Variants in PICALM observed in about 807,000 individuals in gnomAD.
PICALM encodes the protein phosphatidylinositol-binding clathrin assembly protein.
A neutral mutation model predicts 80.5 loss-of-function variants in PICALM; 40 were observed. That is an observed-to-expected ratio of 0.50 (90% CI 0.39 to 0.65). PICALM has a LOEUF of 0.65. PICALM is among the 30% of genes least tolerant of loss of function. PICALM has a pLI of 0.00. For missense variants in PICALM, 676 were observed against 778.9 expected (o/e 0.87, Z 1.57); for synonymous variants, 288 against 260.3 (o/e 1.11, Z -1.02).
chr11:85,986,382 TTTTTTTTTTTTTTTTTTTTG>T (rs2094572217), intron 13 of PICALM, among the ~76,000 whole-genome samples: 1 of 114,318 alleles, frequency 8.7e-6, no homozygotes, highest in African/African-American at 3.5e-5. Context: ...TTTTTTTTTT[TTTTTTTTTTTTTTTTTTTTG>T]AGACGGAGTC....
intron 1 of PICALM, among the ~76,000 whole-genome samples, chr11:86,032,527 G>A (rs946811909): frequency 1.3e-5 from 2 of 152,154 alleles, no homozygotes; most frequent in Non-Finnish European, 2.9e-5. Flanking sequence ...TCAGGAGGCT[G>A]AGGCAGGACA....
chr11:85,990,008 C>CAAAAAAAAAAAAAAAAAAAAAAAAAAA (rs5793177), intron 13 of PICALM, among the ~76,000 whole-genome samples: 1 of 89,334 alleles, frequency 1.1e-5, no homozygotes, highest in Non-Finnish European at 2.1e-5. Flanking sequence ...AACCAAACAC[C>CAAAAAAAAAAAAAAAAAAAAAAAAAAA]AAAAAAAAAA....
intron 5 of PICALM, among the ~76,000 whole-genome samples, chr11:86,013,949 C>T (rs757859152): frequency 6.6e-6 from 1 of 152,186 alleles, no homozygotes; most frequent in Non-Finnish European, 1.5e-5. Flanking sequence ...GTTGGAATTT[C>T]ATGTAACTTC....
intron 17 of PICALM, among the ~76,000 whole-genome samples, chr11:85,977,156 G>A (rs1442573406): frequency 6.6e-6 from 1 of 152,090 alleles, no homozygotes; most frequent in Non-Finnish European, 1.5e-5. Context: ...CAAAAAGTTA[G>A]TTTCTAAGGA....
At chr11:86,057,364 C>T (rs1355747597) in intron 1 of PICALM, among the ~76,000 whole-genome samples, 1 of 152,076 alleles carries the variant, frequency 6.6e-6, no homozygotes, top group African/African-American at 2.4e-5. Context: ...CATGGTGAAA[C>T]CCCGTCTCTA....
intron 1 of PICALM, among the ~76,000 whole-genome samples, chr11:86,047,262 C>G (rs558720248): frequency 2.0e-5 from 3 of 152,208 alleles, no homozygotes; most frequent in Non-Finnish European, 4.4e-5. Flanking sequence ...GTGTTTAGTT[C>G]TCACAAATCT....
At chr11:86,029,676 T>G (rs538560654) in intron 2 of PICALM, among the ~76,000 whole-genome samples, 4 of 152,354 alleles carry the variant, frequency 2.6e-5, no homozygotes, top group African/African-American at 7.2e-5. Context: ...CTGGTTATAT[T>G]TGTGGCTTTT....
At chr11:85,965,831 T>G (rs1293750112) in intron 19 of PICALM, among the ~76,000 whole-genome samples, 2 of 146,520 alleles carry the variant, frequency 1.4e-5, no homozygotes, top group African/African-American at 2.5e-5. Flanking sequence ...TTTTTTTTTT[T>G]TTTTTTTGAG....
chr11:86,004,652 A>C (rs1354930457), intron 8 of PICALM, among the ~76,000 whole-genome samples: 2 of 152,180 alleles, frequency 1.3e-5, no homozygotes. Flanking sequence ...CAAATGCACC[A>C]GTAGCATTTA....
intron 18 of PICALM, 69 bp from the exon 19 acceptor site, chr11:85,974,881 T>C (rs2094224930): frequency 2.8e-6 from 3 of 1,060,994 alleles, no homozygotes; most frequent in Non-Finnish European, 3.0e-6. Context: ...TAAATAACAA[T>C]GACAACAGGG....
rs2095110742 is a variant in PICALM, at chr11:86,000,524, T to A, written c.1154+119A>T. 7 of 703,120 alleles carry A rather than the reference T, an allele frequency of 1.0e-5. No homozygotes were observed. The South Asian group carries it at 1.3e-4, about 13-fold the overall frequency. The allele number at this position is 703,120 out of a possible 1,614,324, so 43.6% of individuals were successfully genotyped here. On this transcript the variant is annotated intron_variant, in intron 11 of 19. Coordinates refer to ENST00000393346, the MANE Select transcript of PICALM (RefSeq NM_007166.4). ...ACCAATATCACCATTTATCGCCACC[T>A]CTTTGTGTGAATAGATTATAAAAGC... is the stretch of plus-strand genomic sequence containing the variant.
intron 5 of PICALM, among the ~76,000 whole-genome samples, chr11:86,014,057 T>C (rs747500501): frequency 6.6e-6 from 1 of 152,250 alleles, no homozygotes; most frequent in African/African-American, 2.4e-5. Context: ...TTTTAGTCTA[T>C]GAAATACCTG....
At chr11:85,973,394 T>C (rs2094171482) in intron 19 of PICALM, among the ~76,000 whole-genome samples, 1 of 152,236 alleles carries the variant, frequency 6.6e-6, no homozygotes. Flanking sequence ...AATAGGTAAG[T>C]AGAGGATATT....
intron 1 of PICALM, among the ~76,000 whole-genome samples, chr11:86,048,608 C>A (rs1227862233): frequency 6.7e-6 from 1 of 149,722 alleles, no homozygotes; most frequent in Non-Finnish European, 1.5e-5. Context: ...CTGAGGCGGG[C>A]AGATCACAAC....
intron 1 of PICALM, among the ~76,000 whole-genome samples, chr11:86,063,307 T>C (rs1031862472): frequency 6.6e-6 from 1 of 152,158 alleles, no homozygotes; most frequent in African/African-American, 2.4e-5. Flanking sequence ...TCACCTGCCA[T>C]AGTAACTTTA....
intron 11 of PICALM, among the ~76,000 whole-genome samples, chr11:85,997,384 T>C (rs1335607420): frequency 1.3e-5 from 2 of 152,250 alleles, no homozygotes; most frequent in Non-Finnish European, 2.9e-5. Context: ...GTGTCCAAAC[T>C]ATGTATCAAT....
chr11:85,971,593 A>C (rs1241512677), intron 19 of PICALM, among the ~76,000 whole-genome samples: 1 of 152,052 alleles, frequency 6.6e-6, no homozygotes, highest in African/African-American at 2.4e-5. Context: ...AAAATTAGCC[A>C]GGCATGGTGG....
Position 86,022,441 on chromosome 11 carries a change from C to T in PICALM, c.378G>A (p.Arg126=), listed in dbSNP as rs1447940604. The T allele has an allele frequency of 3.2e-6, 5 of 1,575,474 alleles. No homozygotes were observed. Among genetic ancestry groups the T allele is most frequent in the African/African-American group, 1.4e-5 (1 of 73,612 alleles). ...QGYDMSTFIR[R]YSRYLNEKAV... ...CTTTCTCATTTAAATATCTACTATA[C>T]CGCCTAATAAATGTAGACATGTCAT... Residue 126 remains arginine (R), a synonymous_variant, in exon 4 of 20, where the codon CGG becomes CGA. Transcript: ENST00000393346.
Position 86,014,972 on chromosome 11 carries a change from A to G in PICALM, c.453-9T>C. On this transcript the variant is annotated splice_polypyrimidine_tract_variant and intron_variant, in intron 4 of 19. Transcript: ENST00000393346. ...TCATAACTCCATCAGCCCTGTTATG[A>G]AAAAACCAGAGAAATAAACAAATGA... is the stretch of plus-strand genomic sequence containing the variant. 6.6e-7 allele frequency: 1 copy of G among 1,507,384 alleles called. No homozygotes were observed. Among genetic ancestry groups the G allele is most frequent in the Non-Finnish European group, 9.1e-7 (1 of 1,100,360 alleles). 93.4% of individuals were successfully genotyped at this position (1,507,384 alleles called of 1,614,324 possible). A position where few individuals can be genotyped will look rare whatever the true frequency, so the allele number is the denominator to read the frequency against.
Sources: gnomAD v4.1 joint callset for allele counts (sites outside exome capture counted in the v4.1 genomes callset) on GRCh38, gnomAD v4.1.1 for gene constraint, MANE v1.5 for transcripts, NCBI Gene and HGNC (gene_info 2026-07-23, HGNC 2026-07-21) for gene names.